Variants in CNTN3 observed in about 807,000 individuals in gnomAD.
The protein encoded by CNTN3 is contactin-3.
CNTN3 carries 60 observed loss-of-function variants against 119.1 expected under a neutral mutation model. The ratio of observed to expected loss-of-function variants is 0.50; its 90% CI spans 0.41 to 0.62. The LOEUF (loss-of-function observed/expected upper bound fraction) is 0.62, where lower values mean the gene tolerates loss of function less well. Ranked by LOEUF, CNTN3 falls within the 20% of genes least tolerant of loss-of-function variation. The pLI, the probability that CNTN3 is intolerant of heterozygous loss-of-function variation, is 0.00. For synonymous variants in CNTN3, 450 were observed against 438.7 expected (o/e 1.03, Z -0.32); for missense variants, 1,101 against 1,242.4 (o/e 0.89, Z 1.71).
Position 74,369,376 on chromosome 3 carries a change from A to G in CNTN3, c.762-3T>C. On this transcript the variant is annotated splice_region_variant and splice_polypyrimidine_tract_variant and intron_variant, in intron 7 of 22. Coordinates refer to ENST00000263665, the MANE Select transcript of CNTN3 (RefSeq NM_020872.3). The stretch of plus-strand genomic sequence containing the variant: ...TCCAATTAATCTGAGGTATGGGACT[A>G]AGAAGAAAATCGTCAAGTTGTCTGC... 1 of 1,584,712 alleles carries G rather than the reference A, an allele frequency of 6.3e-7. No homozygotes were observed. The highest frequency in any genetic ancestry group is 2.3e-5 in the East Asian group (1 of 43,618).
intron 13 of CNTN3, among the ~76,000 whole-genome samples, chr3:74,310,548 G>T (rs1702660325): frequency 6.6e-6 from 1 of 152,160 alleles, no homozygotes; most frequent in Non-Finnish European, 1.5e-5. Context: ...GGTTCTTATT[G>T]AGAAGGACCT....
At chr3:74,573,705 T>C (rs1029571275) in intron 1 of CNTN3, among the ~76,000 whole-genome samples, 6 of 151,394 alleles carry the variant, frequency 4.0e-5, no homozygotes, top group Non-Finnish European at 8.8e-5. Flanking sequence ...CATTGGTCAT[T>C]AGGGAAATGC....
intron 2 of CNTN3, among the ~76,000 whole-genome samples, chr3:74,513,548 T>C (rs866267116): frequency 1.3e-5 from 2 of 151,916 alleles, no homozygotes; most frequent in Non-Finnish European, 2.9e-5. Flanking sequence ...GGGAATATGG[T>C]TTCATGTGTT....
chr3:74,396,119 G>A (rs188849954), intron 5 of CNTN3, among the ~76,000 whole-genome samples: 77 of 152,196 alleles, frequency 5.1e-4, no homozygotes, highest in Middle Eastern at 3.4e-3. Context: ...AGACATAACA[G>A]TATTGAAATT....
intron 5 of CNTN3, 42 bp from the exon 6 acceptor site, chr3:74,371,441 G>A: frequency 6.8e-7 from 1 of 1,461,062 alleles, no homozygotes. Context: ...CCATCATTAA[G>A]GACAGTTTTC....
intron 12 of CNTN3, 73 bp from the exon 13 acceptor site, chr3:74,334,983 C>T: frequency 8.9e-7 from 1 of 1,126,658 alleles, no homozygotes; most frequent in African/African-American, 1.5e-5. Flanking sequence ...GCAGACTGTT[C>T]ATCTAACTTA....
chr3:74,269,943 A>C (rs990707943), intron 20 of CNTN3, among the ~76,000 whole-genome samples: 1 of 152,178 alleles, frequency 6.6e-6, no homozygotes, highest in Admixed American at 6.6e-5. Flanking sequence ...TATTGCACAG[A>C]AATGTAAAAG....
rs1366198837 is a variant in CNTN3, at chr3:74,527,082, A to G, written c.-80-5890T>C. ...ATCATATGTATATATGTGTATACCT[A>G]TATAGATATGTGTGTTCATGTATGT... is the stretch of plus-strand genomic sequence containing the variant. On this transcript the variant is annotated intron_variant, in intron 1 of 22. Transcript: ENST00000263665. Among the ~76,000 whole-genome samples, 3 of 152,010 alleles carry G rather than the reference A, an allele frequency of 2.0e-5. No individual in the cohort carries two copies. In the East Asian group the frequency reaches 5.8e-4, roughly 30 times the overall value.
At chr3:74,272,555 C>A (rs1285342038) in intron 20 of CNTN3, among the ~76,000 whole-genome samples, 1 of 152,118 alleles carries the variant, frequency 6.6e-6, no homozygotes, top group Non-Finnish European at 1.5e-5. Flanking sequence ...GAGGAATGCA[C>A]ATTGATAGGC....
chr3:74,315,838 G>A (rs1274790140), intron 13 of CNTN3, among the ~76,000 whole-genome samples: 1 of 152,012 alleles, frequency 6.6e-6, no homozygotes, highest in Admixed American at 6.6e-5. Flanking sequence ...TTAAATGTAA[G>A]ACATGAAACA....
At chr3:74,273,823 GGA>G (rs1176532998) in intron 20 of CNTN3, among the ~76,000 whole-genome samples, 1 of 152,166 alleles carries the variant, frequency 6.6e-6, no homozygotes, top group African/African-American at 2.4e-5. Flanking sequence ...AGAACCTGGG[GGA>G]GAGAGTGAAT....
chr3:74,495,296 C>T (rs1316950303), intron 3 of CNTN3, among the ~76,000 whole-genome samples: 1 of 151,996 alleles, frequency 6.6e-6, no homozygotes, highest in Non-Finnish European at 1.5e-5. Flanking sequence ...ACAATGATAT[C>T]AGATCTTACA....
chr3:74,359,464 G>A (rs138739864), intron 11 of CNTN3, among the ~76,000 whole-genome samples: 4 of 151,980 alleles, frequency 2.6e-5, no homozygotes, highest in African/African-American at 4.8e-5. Flanking sequence ...AAAAATCTTC[G>A]AACACAAAAA....
At position 74,540,984 on chromosome 3, in the gene CNTN3, A is replaced by G. The variant is rs1274717350; in HGVS notation, c.-80-19792T>C. Reference sequence around the variant, plus strand: ...ATTTAGTAATACAAAACCACTGCATAAAATATAGAAAACCAAAAAGAGTAA... The same window carrying G: ...ATTTAGTAATACAAAACCACTGCATGAAATATAGAAAACCAAAAAGAGTAA... On this transcript the variant is annotated intron_variant, in intron 1 of 22. Coordinates refer to ENST00000263665, the MANE Select transcript of CNTN3 (RefSeq NM_020872.3). Among the ~76,000 whole-genome samples, 4 of 152,204 alleles carry G rather than the reference A, an allele frequency of 2.6e-5. No homozygotes were observed. In the East Asian group the frequency reaches 7.7e-4, roughly 29 times the overall value.
At chr3:74,562,481 G>T (rs1704167371) in intron 1 of CNTN3, among the ~76,000 whole-genome samples, 1 of 152,132 alleles carries the variant, frequency 6.6e-6, no homozygotes, top group African/African-American at 2.4e-5. Flanking sequence ...TCCAGAAAAT[G>T]ATTATTGAAA....
intron 8 of CNTN3, among the ~76,000 whole-genome samples, chr3:74,368,316 G>A (rs1323759682): frequency 2.6e-5 from 4 of 152,120 alleles, no homozygotes; most frequent in East Asian, 1.9e-4. Context: ...ATCCAAGGAC[G>A]TGTTGCAAGA....
intron 20 of CNTN3, among the ~76,000 whole-genome samples, chr3:74,272,081 GA>G (rs1418921727): frequency 5.9e-5 from 9 of 152,168 alleles, no homozygotes; most frequent in Non-Finnish European, 1.0e-4. Context: ...CAATTGTCTA[GA>G]GCAGGGGTGT....
At chr3:74,443,766 C>A (rs1272152270) in intron 4 of CNTN3, among the ~76,000 whole-genome samples, 1 of 152,156 alleles carries the variant, frequency 6.6e-6, no homozygotes, top group Non-Finnish European at 1.5e-5. Flanking sequence ...GATTCCTTAA[C>A]AGAGCATAGC....
chr3:74,418,012 T>C (rs1701552242), intron 5 of CNTN3, among the ~76,000 whole-genome samples: 1 of 152,180 alleles, frequency 6.6e-6, no homozygotes, highest in Non-Finnish European at 1.5e-5. Context: ...CTCATTAGCC[T>C]ATCAATCATC....
Sources: gnomAD v4.1 joint callset for allele counts (sites outside exome capture counted in the v4.1 genomes callset) on GRCh38, gnomAD v4.1.1 for gene constraint, MANE v1.5 for transcripts, NCBI Gene and HGNC (gene_info 2026-07-23, HGNC 2026-07-21) for gene names.